Variants in TRRAP observed in about 807,000 individuals in gnomAD.
TRRAP encodes the protein transformation/transcription domain associated protein.
In TRRAP, 41 loss-of-function variants were observed where a neutral mutation model predicts 438.8. The observed-to-expected ratio is 0.09, with a 90% CI of 0.07 to 0.12. TRRAP has a LOEUF of 0.12. TRRAP is among the 10% of genes least tolerant of loss of function. TRRAP has a pLI of 1.00. For missense variants in TRRAP, 3,122 were observed against 5,055.1 expected, an observed-to-expected ratio of 0.62 and a Z score of 11.60; for synonymous variants, 1,994 against 1,962.9, an observed-to-expected ratio of 1.02 and a Z score of -0.42.
intron 25 of TRRAP, 91 bp from the exon 26 acceptor site, chr7:98,931,314 A>T: frequency 3.9e-6 from 6 of 1,539,746 alleles, no homozygotes; most frequent in Non-Finnish European, 1.7e-6. Context: ...GACCCCAGTG[A>T]CAGTCTTTAT....
intron 31 of TRRAP, among the ~76,000 whole-genome samples, chr7:98,944,516 A>G (rs894507291): frequency 6.6e-5 from 10 of 152,134 alleles, no homozygotes; most frequent in African/African-American, 2.4e-4. Context: ...GGGAGGGTCC[A>G]GCTCTGTGAG....
chr7:98,966,914 C>A, intron 49 of TRRAP, 127 bp from the exon 50 acceptor site: 1 of 928,028 alleles, frequency 1.1e-6, no homozygotes, highest in African/African-American at 1.7e-5. Flanking sequence ...AAGATAAAGC[C>A]ATCTTTGCCT....
At chr7:98,911,720 C>T (rs566677105) in intron 17 of TRRAP, among the ~76,000 whole-genome samples, 13 of 151,386 alleles carry the variant, frequency 8.6e-5, no homozygotes, top group African/African-American at 2.9e-4. Flanking sequence ...GAGCTGAGAT[C>T]GCACCGCTGC....
At chr7:99,002,692 T>G (rs1238190705) in intron 67 of TRRAP, among the ~76,000 whole-genome samples, 4 of 151,632 alleles carry the variant, frequency 2.6e-5, no homozygotes, top group African/African-American at 7.3e-5. Flanking sequence ...CCACAGAGCT[T>G]AAAATGAAAG....
chr7:98,939,496 G>A (rs1169603840), intron 30 of TRRAP, among the ~76,000 whole-genome samples: 1 of 152,116 alleles, frequency 6.6e-6, no homozygotes, highest in Non-Finnish European at 1.5e-5. Context: ...TACTAAAATT[G>A]TAAGTTATGC....
chr7:98,969,036 T>G (rs1257445880), intron 51 of TRRAP, among the ~76,000 whole-genome samples: 1 of 152,230 alleles, frequency 6.6e-6, no homozygotes, highest in Non-Finnish European at 1.5e-5. Flanking sequence ...CCTGAGTATC[T>G]GCTCCCTCAC....
At chr7:98,978,178 A>G (rs773148598) in intron 56 of TRRAP, 33 bp from the exon 57 acceptor site, 1 of 1,550,184 alleles carries the variant, frequency 6.5e-7, no homozygotes, top group Non-Finnish European at 8.9e-7. Context: ...GTTTCTAGTT[A>G]AACAGTGATT....
At chr7:98,926,415 T>C (rs1350123348) in intron 22 of TRRAP, among the ~76,000 whole-genome samples, 1 of 152,140 alleles carries the variant, frequency 6.6e-6, no homozygotes. Context: ...AAATGAATGA[T>C]CACTTGGAAG....
chr7:98,953,478 C>T, intron 40 of TRRAP, 45 bp downstream of exon 40: 1 of 1,592,796 alleles, frequency 6.3e-7, no homozygotes, highest in Non-Finnish European at 8.5e-7. Context: ...GCGTGAATCT[C>T]ACATGGTGCA....
At chr7:98,991,555 C>T (rs1016850135) in intron 64 of TRRAP, among the ~76,000 whole-genome samples, 4 of 152,204 alleles carry the variant, frequency 2.6e-5, no homozygotes, top group African/African-American at 4.8e-5. Context: ...CTGCCTGTGA[C>T]GGCTTAGATG....
At chr7:98,891,993 G>C (rs1796002503) in intron 4 of TRRAP, among the ~76,000 whole-genome samples, 1 of 152,178 alleles carries the variant, frequency 6.6e-6, no homozygotes, top group Non-Finnish European at 1.5e-5. Context: ...GCTTAGTACA[G>C]CTCATGATAT....
chr7:98,976,150 C>G lies in TRRAP; in HGVS notation c.7841C>G (p.Thr2614Ser), dbSNP rs1173041625. The change falls in exon 54 of 73, where the codon ACT becomes AGT. Residue 2614 changes from threonine to serine, a missense_variant and splice_region_variant. Around this residue, in one of 24 missense-constraint regions of TRRAP, gnomAD observed 992 missense variants for 1,281.2 expected, o/e 0.77. Coordinates refer to ENST00000456197, the MANE Select transcript of TRRAP (RefSeq NM_001375524.1). This position sits in a 1 kb window ranked among gnomAD's most constrained non-coding sequence, Gnocchi z 4.6. Reference sequence around the variant, plus strand: ...AGCCTGTTGTCTTTCTGTTCATAGACTGGAGCGCTGCTCAGCGCTTTCGTT... The same window carrying G: ...AGCCTGTTGTCTTTCTGTTCATAGAGTGGAGCGCTGCTCAGCGCTTTCGTT... ...KFLDTLREVK[T>S]GALLSAFVQL... 2 of 1,613,900 alleles carry G rather than the reference C, an allele frequency of 1.2e-6. No homozygotes were observed. The highest frequency in any genetic ancestry group is 1.7e-6 in the Non-Finnish European group (2 of 1,179,890).
chr7:98,978,355 G>C, intron 57 of TRRAP, 32 bp downstream of exon 57: 10 of 1,565,914 alleles, frequency 6.4e-6, no homozygotes, highest in African/African-American at 1.4e-5. Context: ...ACGTGTGCAT[G>C]AATCAGTTAA....
intron 67 of TRRAP, chr7:98,998,730 TG>T: frequency 5.3e-6 from 1 of 188,302 alleles, no homozygotes. Flanking sequence ...TTCCACAGCA[TG>T]GGCATCTCTT....
At position 98,906,265 on chromosome 7, in the gene TRRAP, T is replaced by G. The variant is rs201109535; in HGVS notation, c.1115+10T>G. On this transcript the variant is annotated intron_variant, in intron 13 of 72. Transcript: ENST00000456197. ...CCAGAGAGACTCTAAGGTATGAGAT[T>G]AAACCAGTGATATCTGGTTGGTTAA... 8.5e-4 allele frequency: 1,374 copies of G among 1,611,740 alleles called. 1 individual carries two copies. The highest frequency in any genetic ancestry group is 1.1e-3 in the Non-Finnish European group (1,285 of 1,178,376).
chr7:98,930,874 A>G, intron 25 of TRRAP, 44 bp downstream of exon 25: 1 of 1,610,882 alleles, frequency 6.2e-7, no homozygotes, highest in Non-Finnish European at 8.5e-7. Context: ...TGTTTTTGAA[A>G]TGGTGGTTTC....
rs1404773550 is a variant in TRRAP at position 98,988,736 on chromosome 7, A to C, written c.9390-29A>C. 4 of 1,611,040 alleles carry C rather than the reference A, an allele frequency of 2.5e-6. No homozygotes were observed. In the African/African-American group the frequency reaches 5.3e-5, roughly 22 times the overall value. ...GAAGCTCGCTTCAATTGAAAACCATACACGTTTTGGTTTTCTGTCTCCTCA... is the reference window on the plus strand; with the variant it reads ...GAAGCTCGCTTCAATTGAAAACCATCCACGTTTTGGTTTTCTGTCTCCTCA... On this transcript the variant is annotated intron_variant, in intron 62 of 72. Transcript: ENST00000456197.
At chr7:98,896,067 A>T (rs1554405677) in intron 7 of TRRAP, among the ~76,000 whole-genome samples, 3 of 152,222 alleles carry the variant, frequency 2.0e-5, no homozygotes, top group African/African-American at 7.2e-5. Context: ...TTATTGTAGA[A>T]ATTTTGGAAA....
At chr7:98,885,252 T>TG (rs1795644054) in intron 3 of TRRAP, among the ~76,000 whole-genome samples, 2 of 75,384 alleles carry the variant, frequency 2.7e-5, no homozygotes, top group South Asian at 1.8e-3. Flanking sequence ...TATGCTTGGC[T>TG]AATTTTTTTT....
Sources: allele counts gnomAD v4.1 joint callset (sites outside exome capture counted in the v4.1 genomes callset), GRCh38; gene constraint gnomAD v4.1.1; regional missense constraint gnomAD v4.1.1; non-coding constraint Gnocchi (gnomAD v3.1); transcripts MANE v1.5; gene names NCBI Gene and HGNC (gene_info 2026-07-23, HGNC 2026-07-21).